The following EPHA3 variants were observed in gnomAD, a reference collection of about 807,000 sequenced individuals.
The protein encoded by EPHA3 is EPH receptor A3.
A neutral mutation model predicts 107.1 loss-of-function variants in EPHA3; 42 were observed. The observed-to-expected ratio is 0.39, with a 90% CI of 0.31 to 0.51. The LOEUF is 0.51. EPHA3 is among the 20% of genes least tolerant of loss of function. EPHA3 has a pLI of 0.78. For missense variants in EPHA3, 1,183 were observed against 1,211.2 expected, an observed-to-expected ratio of 0.98 and a Z score of 0.35; for synonymous variants, 461 against 424.8, an observed-to-expected ratio of 1.09 and a Z score of -1.05.
chr3:89,246,031 A>AT (rs1330824061), intron 3 of EPHA3, among the ~76,000 whole-genome samples: 4 of 151,710 alleles, frequency 2.6e-5, no homozygotes, highest in Non-Finnish European at 4.4e-5. Flanking sequence ...TTCCTCTTTA[A>AT]TTTTTTTTTC....
chr3:89,216,418 T>C lies in EPHA3; in HGVS notation c.814+5898T>C, dbSNP rs188908677. Among the ~76,000 whole-genome samples, 603 of 151,022 alleles carry C rather than the reference T, an allele frequency of 4.0e-3. 2 individuals are homozygous for C. The highest frequency in any genetic ancestry group is 0.014 in the African/African-American group (585 of 40,480). On this transcript the variant is annotated intron_variant, in intron 3 of 16. Coordinates refer to ENST00000336596, the MANE Select transcript of EPHA3 (RefSeq NM_005233.6). ...CAAGAAAAAGACATATCTAAACTTC[T>C]TTTTTCTGTGAAGGGTGGGATATTG...
rs1437342364 is a variant in EPHA3 at position 89,481,466 on chromosome 3, A to C, written c.*1964A>C. The C allele has an allele frequency of 4.3e-6, 1 of 232,210 alleles. No homozygotes were observed. The highest frequency in any genetic ancestry group is 8.5e-6 in the Non-Finnish European group (1 of 117,502). The allele number at this position is 232,210 out of a possible 1,614,324, so 14.4% of individuals were successfully genotyped here. On this transcript the variant is annotated 3_prime_UTR_variant, in exon 17 of 17. Transcript: ENST00000336596. ...TCAAGTATTTTGTGTTTGGAATGTT[A>C]GAATGAGATCTGAATGTGGTTTCAA...
Position 89,107,952 on chromosome 3 carries a change from T to C in EPHA3, c.88+116T>C, listed in dbSNP as rs146923447. 1.5e-3 allele frequency: 1,358 copies of C among 912,828 alleles called. 26 individuals carry two copies. The South Asian group carries it at 0.015, about 10-fold the overall frequency. 56.5% of individuals were successfully genotyped at this position (912,828 alleles called of 1,614,324 possible). On this transcript the variant is annotated intron_variant, in intron 1 of 16. Coordinates refer to ENST00000336596, the MANE Select transcript of EPHA3 (RefSeq NM_005233.6). Reference sequence around the variant, plus strand: ...GGTGCCTCCGAATAGAGCAGTTTGCTCTGAGAGTGAAGGAAAGATGTGCCT... The same window carrying C: ...GGTGCCTCCGAATAGAGCAGTTTGCCCTGAGAGTGAAGGAAAGATGTGCCT...
At chr3:89,153,427 TG>T (rs1704730347) in intron 2 of EPHA3, among the ~76,000 whole-genome samples, 2 of 152,182 alleles carry the variant, frequency 1.3e-5, no homozygotes, top group South Asian at 4.1e-4. Flanking sequence ...GGAAAAAAGT[TG>T]TTTTCCTCTT....
At chr3:89,232,363 G>A (rs376244345) in intron 3 of EPHA3, among the ~76,000 whole-genome samples, 30 of 152,170 alleles carry the variant, frequency 2.0e-4, no homozygotes, top group Non-Finnish European at 2.8e-4. Flanking sequence ...TGGCGGAGGC[G>A]GGAGCAGCAG....
At chr3:89,391,769 A>G (rs1400303854) in intron 5 of EPHA3, among the ~76,000 whole-genome samples, 1 of 152,120 alleles carries the variant, frequency 6.6e-6, no homozygotes, top group Admixed American at 6.5e-5. Context: ...CATTTAAAAT[A>G]TAATCAATAC....
intron 3 of EPHA3, among the ~76,000 whole-genome samples, chr3:89,260,946 A>G (rs1421072617): frequency 6.6e-6 from 1 of 152,172 alleles, no homozygotes; most frequent in African/African-American, 2.4e-5. Flanking sequence ...CTCAATACAT[A>G]GCAGCTGCTA....
At chr3:89,275,540 A>T (rs1705784477) in intron 3 of EPHA3, among the ~76,000 whole-genome samples, 1 of 152,092 alleles carries the variant, frequency 6.6e-6, no homozygotes, top group African/African-American at 2.4e-5. Flanking sequence ...GGACACTAAG[A>T]GGTTCAAATG....
At chr3:89,479,053 A>G (rs1195996694) in intron 16 of EPHA3, among the ~76,000 whole-genome samples, 2 of 152,190 alleles carry the variant, frequency 1.3e-5, no homozygotes, top group South Asian at 2.1e-4. Flanking sequence ...CTATTCTCTT[A>G]TAAGGAAACT....
At chr3:89,123,958 G>T (rs554176328) in intron 1 of EPHA3, among the ~76,000 whole-genome samples, 1 of 152,106 alleles carries the variant, frequency 6.6e-6, no homozygotes, top group South Asian at 2.1e-4. Context: ...TAAATAACTG[G>T]CATGAGACAG....
At chr3:89,271,264 G>A (rs1001290715) in intron 3 of EPHA3, among the ~76,000 whole-genome samples, 5 of 151,766 alleles carry the variant, frequency 3.3e-5, no homozygotes, top group Admixed American at 6.6e-5. Flanking sequence ...AAGAAAAGCC[G>A]AAAAAAAGAA....
At chr3:89,389,371 C>A (rs1056998045) in intron 5 of EPHA3, among the ~76,000 whole-genome samples, 1 of 152,112 alleles carries the variant, frequency 6.6e-6, no homozygotes, top group Non-Finnish European at 1.5e-5. Flanking sequence ...ATGTCTGATT[C>A]AAAAGAAAAA....
At chr3:89,242,900 C>G (rs949407755) in intron 3 of EPHA3, among the ~76,000 whole-genome samples, 1 of 114,546 alleles carries the variant, frequency 8.7e-6, no homozygotes, top group African/African-American at 3.3e-5. Flanking sequence ...GCTATCCCTC[C>G]CCCCTCCCCC....
chr3:89,166,516 A>T (rs1391915959), intron 2 of EPHA3, among the ~76,000 whole-genome samples: 1 of 152,144 alleles, frequency 6.6e-6, no homozygotes, highest in Admixed American at 6.6e-5. Context: ...ATGTTACAAG[A>T]TTCTATTTCA....
intron 11 of EPHA3, among the ~76,000 whole-genome samples, chr3:89,428,605 T>A (rs1388435899): frequency 6.6e-6 from 1 of 152,014 alleles, no homozygotes; most frequent in Non-Finnish European, 1.5e-5. Context: ...TCGTGTAGAA[T>A]CCATAAAGGC....
intron 3 of EPHA3, among the ~76,000 whole-genome samples, chr3:89,339,033 G>T (rs998757221): frequency 5.9e-5 from 9 of 152,204 alleles, no homozygotes; most frequent in African/African-American, 2.2e-4. Flanking sequence ...ATAACCCTGA[G>T]ATAATAACAG....
At chr3:89,338,032 T>G (rs1446267063) in intron 3 of EPHA3, among the ~76,000 whole-genome samples, 2 of 152,234 alleles carry the variant, frequency 1.3e-5, no homozygotes, top group Admixed American at 6.5e-5. Context: ...AAGTTGTATT[T>G]GTACATCTTG....
At chr3:89,238,904 A>C (rs1287869454) in intron 3 of EPHA3, among the ~76,000 whole-genome samples, 1 of 152,222 alleles carries the variant, frequency 6.6e-6, no homozygotes. Context: ...GTTATTTGGT[A>C]TCCATGAATC....
At chr3:89,366,018 GA>G (rs1439609958) in intron 5 of EPHA3, among the ~76,000 whole-genome samples, 1 of 150,582 alleles carries the variant, frequency 6.6e-6, no homozygotes, top group Non-Finnish European at 1.5e-5. Context: ...AAGATGCAAG[GA>G]AAACAAACCA....
Sources: gnomAD v4.1 joint callset for allele counts (sites outside exome capture counted in the v4.1 genomes callset) on GRCh38, gnomAD v4.1.1 for gene constraint, MANE v1.5 for transcripts, NCBI Gene and HGNC (gene_info 2026-07-23, HGNC 2026-07-21) for gene names.